The following PCDHGA7 variants were observed in gnomAD, a reference collection of about 807,000 sequenced individuals.
The protein encoded by PCDHGA7 is protocadherin gamma-A7.
Under a neutral mutation model 58.3 loss-of-function variants are expected in PCDHGA7, and 44 were observed. That is an observed-to-expected ratio of 0.75 (90% CI 0.59 to 0.97). The LOEUF (loss-of-function observed/expected upper bound fraction) is 0.97. PCDHGA7 is among the 50% of genes least tolerant of loss of function. The pLI is 0.00. For synonymous variants in PCDHGA7, 516 were observed against 504.2 expected (o/e 1.02, Z -0.31); for missense variants, 1,266 against 1,188.7 (o/e 1.06, Z -0.96).
At chr5:141,443,199 G>C (rs936013020) in intron 1 of PCDHGA7, among the ~76,000 whole-genome samples, 1 of 152,002 alleles carries the variant, frequency 6.6e-6, no homozygotes. Context: ...ATAGTACAAA[G>C]AGCTTGTCTC....
intron 1 of PCDHGA7, among the ~76,000 whole-genome samples, chr5:141,482,794 G>A (rs374042779): frequency 6.2e-5 from 8 of 129,246 alleles, no homozygotes; most frequent in Non-Finnish European, 8.1e-5. Flanking sequence ...GTGTGTGGCC[G>A]GGTACGGTGG....
intron 1 of PCDHGA7, among the ~76,000 whole-genome samples, chr5:141,444,359 C>T (rs942218966): frequency 7.9e-5 from 12 of 151,582 alleles, no homozygotes; most frequent in East Asian, 7.7e-4. Context: ...TTAGTAGAGA[C>T]GGGGTTTCTC....
At chr5:141,410,830 G>T in intron 1 of PCDHGA7, 11 of 332,874 alleles carry the variant, frequency 3.3e-5, no homozygotes, top group East Asian at 5.9e-5. Context: ...TCACCAGACT[G>T]AAGATATTTT....
At chr5:141,412,792 C>T (rs1387029327) in intron 1 of PCDHGA7, among the ~76,000 whole-genome samples, 1 of 152,194 alleles carries the variant, frequency 6.6e-6, no homozygotes. Flanking sequence ...TCCACTTTAT[C>T]ACACCTCCCC....
chr5:141,415,740 G>GTTTTTTTTTTT (rs57426385), intron 1 of PCDHGA7: 102 of 625,036 alleles, frequency 1.6e-4, no homozygotes, highest in Admixed American at 2.1e-4. Context: ...GTTTATTAAG[G>GTTTTTTTTTTT]TTTTTTTTTT....
chr5:141,433,140 C>T (rs1394486228), intron 1 of PCDHGA7: 4 of 1,613,948 alleles, frequency 2.5e-6, no homozygotes, highest in African/African-American at 1.3e-5. Flanking sequence ...CTTTTGCTGT[C>T]AGGTGATTCG....
chr5:141,431,150 CCTTA>C lies in PCDHGA7; in HGVS notation c.2424+45831_2424+45834del, dbSNP rs1302288904. ...AGTAAGGGACATTAACGACAATGCG[CCTTA>C]CTTTCGTGAAAGTGAATTAGAAATA... On this transcript the variant is annotated intron_variant, in intron 1 of 3. Coordinates refer to ENST00000518325, the MANE Select transcript of PCDHGA7 (RefSeq NM_018920.4). The surrounding 1 kb of genome is among the most constrained non-coding windows in gnomAD (Gnocchi z 4.8). 3 of 1,614,226 alleles carry C rather than the reference CCTTA, an allele frequency of 1.9e-6. No individual in the cohort carries two copies. The highest frequency in any genetic ancestry group is 2.2e-5 in the East Asian group (1 of 44,876).
At chr5:141,471,095 C>T (rs1266802067) in intron 1 of PCDHGA7, among the ~76,000 whole-genome samples, 1 of 144,764 alleles carries the variant, frequency 6.9e-6, no homozygotes, top group East Asian at 2.0e-4. Context: ...GTTGTCCAGG[C>T]TAGAGTGCAG....
At chr5:141,404,752 G>A (rs774409689) in intron 1 of PCDHGA7, 1 of 1,614,010 alleles carries the variant, frequency 6.2e-7, no homozygotes, top group Non-Finnish European at 8.5e-7. Context: ...ACTCAGGCCA[G>A]AATGCTTGGC....
At position 141,408,836 on chromosome 5, in the gene PCDHGA7, T is replaced by C. The variant is rs772595834; in HGVS notation, c.2424+23513T>C. The C allele has an allele frequency of 5.0e-6, 8 of 1,613,680 alleles. No individual in the cohort carries two copies. In the South Asian group the frequency reaches 6.6e-5, roughly 13 times the overall value. ...AGAACAGAGATCTCATAGCTTGATA[T>C]TGACTGCCTTGGACGGAGGGGACCC... On this transcript the variant is annotated intron_variant, in intron 1 of 3. Transcript: ENST00000518325.
intron 1 of PCDHGA7, chr5:141,419,045 T>G (rs1473408777): frequency 6.2e-7 from 1 of 1,613,710 alleles, no homozygotes; most frequent in Non-Finnish European, 8.5e-7. Context: ...TAAGATTCAT[T>G]CTTCTTCTAA....
chr5:141,485,609 G>T lies in PCDHGA7; in HGVS notation c.2425-9198G>T. On this transcript the variant is annotated intron_variant, in intron 1 of 3. Coordinates refer to ENST00000518325, the MANE Select transcript of PCDHGA7 (RefSeq NM_018920.4). The surrounding 1 kb of genome is among the most constrained non-coding windows in gnomAD (Gnocchi z 5.7). ...GCTGGACTTGGAAATTGGGGAGGCA[G>T]CTCCTCCAGGACAGCGTTTCCCGTT... The T allele has an allele frequency of 6.2e-7, 1 of 1,612,256 alleles. No homozygotes were observed. Among genetic ancestry groups the T allele is most frequent in the Non-Finnish European group, 8.5e-7 (1 of 1,178,656 alleles).
At chr5:141,469,424 AC>A (rs1173507321) in intron 1 of PCDHGA7, among the ~76,000 whole-genome samples, 1 of 151,864 alleles carries the variant, frequency 6.6e-6, no homozygotes, top group East Asian at 1.9e-4. Context: ...AAAATATAAA[AC>A]TTAGCTGGGC....
intron 1 of PCDHGA7, chr5:141,413,285 A>G: frequency 1.9e-6 from 3 of 1,613,892 alleles, no homozygotes; most frequent in Non-Finnish European, 2.5e-6. Flanking sequence ...CAGATCTCCT[A>G]CTCAATTCCT....
At chr5:141,409,502 T>G (rs1311120933) in intron 1 of PCDHGA7, 17 of 1,613,868 alleles carry the variant, frequency 1.1e-5, no homozygotes, top group Non-Finnish European at 1.4e-5. Context: ...GCCTCTTTCT[T>G]CCAGTAGAAG....
In PCDHGA7 at chr5:141,423,110, G is replaced by A. The variant is rs62621243; in HGVS notation, c.2424+37787G>A. On this transcript the variant is annotated intron_variant, in intron 1 of 3. Coordinates refer to ENST00000518325, the MANE Select transcript of PCDHGA7 (RefSeq NM_018920.4). ...GTGGGGGAGCACACGGGCGAGGTGC[G>A]TACAGCGCGGGCACTGCTGGACAGA... The A allele has an allele frequency of 0.016, 25,324 of 1,613,842 alleles. 257 individuals carry two copies. Among genetic ancestry groups the A allele is most frequent in the Non-Finnish European group, 0.019 (22,060 of 1,179,980 alleles).
At chr5:141,415,725 T>A in intron 1 of PCDHGA7, 1 of 1,437,122 alleles carries the variant, frequency 7.0e-7, no homozygotes, top group Non-Finnish European at 9.2e-7. Context: ...TGAGTAGAAT[T>A]TGATGTTTAT....
intron 1 of PCDHGA7, chr5:141,415,384 A>C: frequency 1.9e-6 from 3 of 1,614,180 alleles, no homozygotes; most frequent in Non-Finnish European, 2.5e-6. Flanking sequence ...AGGCGGCTTG[A>C]CAGGTGTGTC....
chr5:141,479,562 T>G (rs1176956064), intron 1 of PCDHGA7: 2 of 152,218 alleles, frequency 1.3e-5, no homozygotes, highest in Non-Finnish European at 2.9e-5. Flanking sequence ...TATCCAGTAG[T>G]GGGATGACAT....
Sources: gnomAD v4.1 joint callset for allele counts (sites outside exome capture counted in the v4.1 genomes callset) on GRCh38, gnomAD v4.1.1 for gene constraint, Gnocchi (gnomAD v3.1) non-coding constraint, MANE v1.5 for transcripts, NCBI Gene and HGNC (gene_info 2026-07-23, HGNC 2026-07-21) for gene names.